AP2A2: variants seen among roughly 807,000 people sequenced by gnomAD.
AP2A2 encodes AP-2 complex subunit alpha-2.
AP2A2 carries 32 observed loss-of-function variants against 104.2 expected under a neutral mutation model. The observed-to-expected ratio is 0.31, with a 90% CI of 0.23 to 0.41. The LOEUF (loss-of-function observed/expected upper bound fraction) is 0.41, where lower values mean the gene tolerates loss of function less well. Among genes scored for constraint, AP2A2 ranks in the 10% least tolerant of loss-of-function variants. AP2A2 has a pLI of 1.00. For missense variants in AP2A2, 912 were observed against 1,261.0 expected, an observed-to-expected ratio of 0.72 and a Z score of 4.19; for synonymous variants, 539 against 533.3, an observed-to-expected ratio of 1.01 and a Z score of -0.15.
intron 10 of AP2A2, among the ~76,000 whole-genome samples, chr11:991,589 G>C (rs1357052063): frequency 6.6e-6 from 1 of 152,158 alleles, no homozygotes; most frequent in Non-Finnish European, 1.5e-5. Flanking sequence ...AGGGCCCCTG[G>C]TGCACAGCCG....
intron 17 of AP2A2, 94 bp downstream of exon 17, chr11:1,006,711 T>A: frequency 2.1e-6 from 2 of 932,746 alleles, no homozygotes; most frequent in Non-Finnish European, 3.4e-6. Context: ...CTTATTTTGT[T>A]AAAATAGCGA....
At chr11:1,008,163 A>G (rs761099216) in intron 18 of AP2A2, 28 bp downstream of exon 18, 10 of 1,575,436 alleles carry the variant, frequency 6.3e-6, no homozygotes, top group African/African-American at 2.7e-5. Flanking sequence ...GCCCCGGGCC[A>G]AGGGGTGTGT....
At chr11:975,559 C>T (rs11246367) in intron 4 of AP2A2, among the ~76,000 whole-genome samples, 2,621 of 70,998 alleles carry the variant, frequency 0.037, no homozygotes, top group Middle Eastern at 0.076. Context: ...CCTCGGTCTC[C>T]CTCGTGTGAG....
chr11:938,856 T>C (rs1853552562), intron 1 of AP2A2, among the ~76,000 whole-genome samples: 1 of 152,216 alleles, frequency 6.6e-6, no homozygotes, highest in African/African-American at 2.4e-5. Context: ...TTTTTAGTTA[T>C]TAGGAAGTAA....
intron 1 of AP2A2, among the ~76,000 whole-genome samples, chr11:929,210 A>C (rs1853211521): frequency 2.0e-5 from 3 of 152,206 alleles, no homozygotes; most frequent in South Asian, 4.1e-4. Context: ...TCACAGGCAG[A>C]GGGGTCCCCG....
intron 1 of AP2A2, among the ~76,000 whole-genome samples, chr11:940,201 G>A (rs1853600321): frequency 6.6e-6 from 1 of 151,148 alleles, no homozygotes; most frequent in Non-Finnish European, 1.5e-5. Flanking sequence ...TGATCCACCC[G>A]CCTTGGCCTC....
At chr11:989,892 G>C (rs541454632) in intron 10 of AP2A2, among the ~76,000 whole-genome samples, 1 of 152,218 alleles carries the variant, frequency 6.6e-6, no homozygotes, top group African/African-American at 2.4e-5. Context: ...CGCCTCCGTT[G>C]TATAGAAAGC....
intron 1 of AP2A2, among the ~76,000 whole-genome samples, chr11:938,648 G>A (rs1348588849): frequency 2.0e-5 from 3 of 151,696 alleles, no homozygotes; most frequent in Non-Finnish European, 4.4e-5. Context: ...CTAATTTTTG[G>A]TATTTTTAGT....
intron 7 of AP2A2, 106 bp from the exon 8 acceptor site, chr11:985,329 G>T: frequency 7.2e-7 from 1 of 1,389,800 alleles, no homozygotes; most frequent in South Asian, 1.4e-5. Context: ...AAATGTGAAT[G>T]AACTATATTA....
intron 1 of AP2A2, chr11:940,608 T>C (rs577809385): frequency 4.2e-5 from 13 of 309,470 alleles, no homozygotes; most frequent in South Asian, 3.5e-4. Context: ...CTTTAAGCTG[T>C]ATTTTATCTC....
Position 1,010,613 on chromosome 11 carries a change from A to G in AP2A2, c.2808A>G (p.Ser936=), listed in dbSNP as rs1316351484. The stretch of plus-strand genomic sequence containing the variant: ...CTCAGAGATTATGTGAATTGCTCTC[A>G]GCGCAGTTTTAGTCCTGAGGATGGA... ...AVSQRLCELL[S]AQF is the part of the protein sequence containing the mutation. Residue 936 remains serine, a synonymous_variant, in exon 22 of 22, where the codon TCA becomes TCG. Coordinates refer to ENST00000448903, the MANE Select transcript of AP2A2 (RefSeq NM_012305.4). 7 of 1,595,160 alleles carry G rather than the reference A, an allele frequency of 4.4e-6. No individual in the cohort carries two copies. The highest frequency in any genetic ancestry group is 1.7e-5 in the Admixed American group (1 of 57,452).
intron 1 of AP2A2, among the ~76,000 whole-genome samples, chr11:937,360 C>T (rs181718922): frequency 9.9e-5 from 15 of 152,236 alleles, no homozygotes; most frequent in East Asian, 1.9e-4. Flanking sequence ...CACCATTGTC[C>T]GTCTCCAGAA....
At chr11:953,741 A>G (rs1854133930) in intron 1 of AP2A2, among the ~76,000 whole-genome samples, 1 of 151,860 alleles carries the variant, frequency 6.6e-6, no homozygotes, top group Admixed American at 6.6e-5. Flanking sequence ...TGGTTCTTGC[A>G]TCATGCTCAG....
chr11:1,002,685 C>T (rs1424751028), intron 15 of AP2A2, among the ~76,000 whole-genome samples: 1 of 152,266 alleles, frequency 6.6e-6, no homozygotes, highest in Non-Finnish European at 1.5e-5. Flanking sequence ...GTCTTCCTGG[C>T]CTGGTCTCCA....
intron 1 of AP2A2, 121 bp from the exon 2 acceptor site, chr11:959,316 T>TA (rs1213154336): frequency 4.2e-6 from 3 of 717,904 alleles, no homozygotes; most frequent in Non-Finnish European, 7.2e-6. Flanking sequence ...CTTCGGCTTT[T>TA]CTCCTGCCTT....
intron 17 of AP2A2, 69 bp from the exon 18 acceptor site, chr11:1,007,943 G>T (rs549387331): frequency 1.3e-6 from 2 of 1,549,408 alleles, no homozygotes; most frequent in South Asian, 2.4e-5. Flanking sequence ...GTCCTGCTGG[G>T]GCTCTAGCCC....
At chr11:986,707 G>C in intron 8 of AP2A2, 78 bp from the exon 9 acceptor site, 1 of 1,518,216 alleles carries the variant, frequency 6.6e-7, no homozygotes, top group Non-Finnish European at 8.9e-7. Flanking sequence ...ATCTGGACCC[G>C]TCGGGGAACG....
At chr11:937,130 C>T (rs1853484615) in intron 1 of AP2A2, among the ~76,000 whole-genome samples, 1 of 152,124 alleles carries the variant, frequency 6.6e-6, no homozygotes, top group African/African-American at 2.4e-5. Context: ...AGTGATTCTC[C>T]TGCCTCAGCC....
chr11:1,003,220 G>T (rs1261949574), intron 15 of AP2A2, among the ~76,000 whole-genome samples: 2 of 152,248 alleles, frequency 1.3e-5, no homozygotes, highest in Admixed American at 1.3e-4. Context: ...GAGAGGAGAG[G>T]CCAGAGGGGA....
Sources: allele counts gnomAD v4.1 joint callset (sites outside exome capture counted in the v4.1 genomes callset), GRCh38; gene constraint gnomAD v4.1.1; transcripts MANE v1.5; gene names NCBI Gene and HGNC (gene_info 2026-07-23, HGNC 2026-07-21).